ANO3: variants seen among roughly 807,000 people sequenced by gnomAD.
ANO3 encodes anoctamin 3.
A neutral mutation model predicts 144.8 loss-of-function variants in ANO3; 99 were observed. The ratio of observed to expected loss-of-function variants is 0.68; its 90% CI spans 0.58 to 0.81. The LOEUF is 0.81. Ranked by LOEUF, ANO3 falls within the 30% of genes least tolerant of loss-of-function variation. The pLI is 0.00. For synonymous variants in ANO3, 414 were observed against 392.6 expected, an observed-to-expected ratio of 1.05 and a Z score of -0.64; for missense variants, 905 against 1,202.2, an observed-to-expected ratio of 0.75 and a Z score of 3.66.
At chr11:26,496,589 T>A (rs181512069) in intron 4 of ANO3, among the ~76,000 whole-genome samples, 1 of 152,174 alleles carries the variant, frequency 6.6e-6, no homozygotes, top group South Asian at 2.1e-4. Context: ...TACATTGATA[T>A]ATTATGTAGT....
intron 17 of ANO3, among the ~76,000 whole-genome samples, chr11:26,606,117 A>C (rs1228712096): frequency 6.6e-6 from 1 of 152,198 alleles, no homozygotes; most frequent in Non-Finnish European, 1.5e-5. Context: ...GCTGTGTCCC[A>C]GAGATTCTTG....
At position 26,634,212 on chromosome 11, in the gene ANO3, C is replaced by T. The variant is rs1334945680; in HGVS notation, c.1882C>T (p.Arg628Ter). 6 of 1,612,152 alleles carry T rather than the reference C, an allele frequency of 3.7e-6. No individual in the cohort carries two copies. Among genetic ancestry groups the T allele is most frequent in the Non-Finnish European group, 4.2e-6 (5 of 1,178,382 alleles). Residue 628 changes from arginine to a stop codon, truncating the protein, a stop_gained, in exon 19 of 27, where the codon CGA becomes TGA. Coordinates refer to ENST00000256737, the MANE Select transcript of ANO3 (RefSeq NM_031418.4). LOFTEE classifies it high-confidence loss of function. ...ACCTGTGTTCCTTTTAGAATATCCTCGAACAGAATCAGAGTGGGAAAACAG... is the reference window on the plus strand; with the variant it reads ...ACCTGTGTTCCTTTTAGAATATCCTTGAACAGAATCAGAGTGGGAAAACAG... Reference protein sequence around the residue: ...AYLLTNLEYPRTESEWENSFA... With the variant: ...AYLLTNLEYP
chr11:26,561,012 A>C, intron 14 of ANO3: 2 of 1,520,980 alleles, frequency 1.3e-6, no homozygotes, highest in South Asian at 2.5e-5. Flanking sequence ...GAATTTGTCA[A>C]AAGGCTAGGA....
chr11:26,564,726 C>CAT (rs1850471324), intron 14 of ANO3, among the ~76,000 whole-genome samples: 2 of 49,348 alleles, frequency 4.1e-5, no homozygotes, highest in African/African-American at 1.5e-4. Context: ...CACACACACA[C>CAT]ACACACATAT....
chr11:26,456,590 G>GA (rs1252814592), intron 3 of ANO3, among the ~76,000 whole-genome samples: 2 of 129,350 alleles, frequency 1.5e-5, no homozygotes, highest in Admixed American at 1.5e-4. Flanking sequence ...TGCTGGAGAG[G>GA]ATGTGGAGAA....
At chr11:26,640,815 G>C (rs1263149890) in intron 21 of ANO3, among the ~76,000 whole-genome samples, 1 of 152,068 alleles carries the variant, frequency 6.6e-6, no homozygotes, top group Non-Finnish European at 1.5e-5. Flanking sequence ...CAAAACTCTT[G>C]TAAACCACAA....
intron 4 of ANO3, among the ~76,000 whole-genome samples, chr11:26,465,093 G>A (rs928741420): frequency 6.7e-6 from 1 of 149,040 alleles, no homozygotes; most frequent in Admixed American, 6.7e-5. Flanking sequence ...TAAATTTGTT[G>A]GCCTTTCTCT....
intron 14 of ANO3, among the ~76,000 whole-genome samples, chr11:26,589,479 C>A (rs1851382587): frequency 6.6e-6 from 1 of 150,498 alleles, no homozygotes; most frequent in African/African-American, 2.4e-5. Context: ...TTTAAAGTGT[C>A]CAATTCAATG....
At chr11:26,482,073 C>A (rs1040557601) in intron 4 of ANO3, among the ~76,000 whole-genome samples, 3 of 151,334 alleles carry the variant, frequency 2.0e-5, no homozygotes, top group Admixed American at 6.6e-5. Flanking sequence ...TTTTTTTAAT[C>A]TTCTCTTAGA....
At chr11:26,253,087 T>A (rs1852971263) in intron 1 of ANO3, among the ~76,000 whole-genome samples, 1 of 152,190 alleles carries the variant, frequency 6.6e-6, no homozygotes, top group African/African-American at 2.4e-5. Flanking sequence ...GACTGCCATG[T>A]CCACAGAAGG....
chr11:26,293,332 C>T (rs1854003401), intron 1 of ANO3, among the ~76,000 whole-genome samples: 1 of 151,092 alleles, frequency 6.6e-6, no homozygotes, highest in South Asian at 2.1e-4. Context: ...ACAAGAGAGG[C>T]TAATATTTTT....
At chr11:26,239,047 ATT>A in intron 1 of ANO3, among the ~76,000 whole-genome samples, 1 of 148,718 alleles carries the variant, frequency 6.7e-6, no homozygotes, top group South Asian at 2.1e-4. Context: ...ATAATTTAAT[ATT>A]TATATTAATT....
At chr11:26,515,722 A>C (rs993779807) in intron 5 of ANO3, among the ~76,000 whole-genome samples, 1 of 152,000 alleles carries the variant, frequency 6.6e-6, no homozygotes, top group Non-Finnish European at 1.5e-5. Flanking sequence ...GATAAATTAC[A>C]TCTAATGGAA....
intron 18 of ANO3, among the ~76,000 whole-genome samples, chr11:26,629,541 G>A (rs1490858844): frequency 2.1e-4 from 32 of 152,104 alleles, no homozygotes; most frequent in Non-Finnish European, 1.5e-5. Flanking sequence ...TATGTATGGA[G>A]GACCTAATAT....
At chr11:26,286,302 T>C (rs928807962) in intron 1 of ANO3, 1 of 152,182 alleles carries the variant, frequency 6.6e-6, no homozygotes, top group Non-Finnish European at 1.5e-5. Context: ...ATGAAATAAA[T>C]AGTTGTATTT....
chr11:26,556,842 A>G (rs1850095884), intron 13 of ANO3, among the ~76,000 whole-genome samples: 2 of 152,104 alleles, frequency 1.3e-5, no homozygotes, highest in Non-Finnish European at 2.9e-5. Flanking sequence ...ACATGGTTGA[A>G]TCTGCCAAGG....
chr11:26,527,085 C>T (rs897994436), intron 7 of ANO3, among the ~76,000 whole-genome samples: 2 of 151,934 alleles, frequency 1.3e-5, no homozygotes, highest in African/African-American at 4.8e-5. Context: ...AAGAATCTTT[C>T]CTTTGGAGAC....
At chr11:26,365,327 G>A (rs1249262618) in intron 1 of ANO3, among the ~76,000 whole-genome samples, 1 of 152,288 alleles carries the variant, frequency 6.6e-6, no homozygotes, top group African/African-American at 2.4e-5. Context: ...GGTGTAGGTT[G>A]CAAGCTGCCA....
chr11:26,194,905 A>G (rs1851554828), intron 1 of ANO3, among the ~76,000 whole-genome samples: 2 of 152,136 alleles, frequency 1.3e-5, no homozygotes, highest in African/African-American at 2.4e-5. Flanking sequence ...ATATTTTGAT[A>G]CAGGCATACA....
Sources: gnomAD v4.1 joint callset for allele counts (sites outside exome capture counted in the v4.1 genomes callset) on GRCh38, gnomAD v4.1.1 for gene constraint, MANE v1.5 for transcripts, NCBI Gene and HGNC (gene_info 2026-07-23, HGNC 2026-07-21) for gene names.